CA5B: variants seen among roughly 807,000 people sequenced by gnomAD.
CA5B encodes carbonic anhydrase 5B, mitochondrial.
A neutral mutation model predicts 23.1 loss-of-function variants in CA5B; 15 were observed. The observed-to-expected ratio is 0.65, with a 90% CI of 0.43 to 1.00. The LOEUF (loss-of-function observed/expected upper bound fraction) is 1.00, where lower values mean the gene tolerates loss of function less well. Among genes scored for constraint, CA5B ranks in the 50% least tolerant of loss-of-function variants. CA5B has a pLI of 0.00. For synonymous variants in CA5B, 84 were observed against 98.5 expected, an observed-to-expected ratio of 0.85 and a Z score of 0.87; for missense variants, 236 against 252.2, an observed-to-expected ratio of 0.94 and a Z score of 0.43.
chrX:15,773,261 A>G (rs1324518268), intron 4 of CA5B, among the ~76,000 whole-genome samples: 1 of 110,723 alleles, frequency 9.0e-6, no homozygotes, highest in Non-Finnish European at 1.9e-5. Flanking sequence ...TATTTGTTTC[A>G]TTTTATTTTG....
Position 15,776,862 on chromosome X carries a change from A to G in CA5B, c.767A>G (p.His256Arg). ...IIKKQPVEVD[H>R]DQLEQFRTLL... ...AAGAAGCAACCAGTAGAGGTTGATCATGATCAGGTATGTTCTCTCCATAAT... is the reference window on the plus strand; with the variant it reads ...AAGAAGCAACCAGTAGAGGTTGATCGTGATCAGGTATGTTCTCTCCATAAT... Residue 256 changes from histidine (H) to arginine (R), a missense_variant, in exon 7 of 8, where the codon CAT becomes CGT. His to Arg is a conservative substitution (Grantham distance 29, BLOSUM62 0). Around this residue, in one of 3 missense-constraint regions of CA5B, gnomAD observed 170 missense variants for 162.0 expected, o/e 1.05. Coordinates refer to ENST00000318636, the MANE Select transcript of CA5B (RefSeq NM_007220.4). The G allele has an allele frequency of 8.3e-7, 1 of 1,203,624 alleles. No homozygotes were observed.
chrX:15,745,930 G>A (rs772893229), intron 1 of CA5B, among the ~76,000 whole-genome samples: 7 of 109,243 alleles, frequency 6.4e-5, no homozygotes, highest in Non-Finnish European at 1.1e-4. Flanking sequence ...ATCAATTTGA[G>A]TAATAATAAC....
intron 2 of CA5B, among the ~76,000 whole-genome samples, chrX:15,752,608 C>T (rs979686004): frequency 9.0e-6 from 1 of 110,627 alleles, no homozygotes; most frequent in African/African-American, 3.3e-5. Flanking sequence ...GCCTGCAGTC[C>T]CAGCTACTAA....
At chrX:15,754,189 A>AG (rs1200233484) in intron 2 of CA5B, among the ~76,000 whole-genome samples, 1 of 111,707 alleles carries the variant, frequency 9.0e-6, no homozygotes, top group East Asian at 2.8e-4. Flanking sequence ...TGGCCAGGGT[A>AG]GGGGGGATCC....
intron 1 of CA5B, among the ~76,000 whole-genome samples, chrX:15,740,798 G>C (rs1467635586): frequency 8.9e-6 from 1 of 112,696 alleles, no homozygotes; most frequent in Admixed American, 9.3e-5. Flanking sequence ...GCTCACGCCT[G>C]TACGCCTGTA....
At chrX:15,741,312 C>T (rs1601775026) in intron 1 of CA5B, among the ~76,000 whole-genome samples, 1 of 105,204 alleles carries the variant, frequency 9.5e-6, no homozygotes, top group Non-Finnish European at 2.0e-5. Context: ...AAGTGATCCA[C>T]CCTCCTCGGC....
chrX:15,773,076 T>A (rs372365213), intron 4 of CA5B, among the ~76,000 whole-genome samples: 3 of 111,302 alleles, frequency 2.7e-5, no homozygotes, highest in African/African-American at 9.8e-5. Context: ...CTTTGTGGTG[T>A]CTCACTTGGG....
rs965063284 is a variant in CA5B, at chrX:15,759,613, G to A, written c.143-4965G>A. 2.7e-5 allele frequency among the ~76,000 whole-genome samples: 3 copies of A among 110,686 alleles called. No homozygotes were observed. The Admixed American group carries it at 2.9e-4, about 11-fold the overall frequency. On this transcript the variant is annotated intron_variant, in intron 2 of 7. Coordinates refer to ENST00000318636, the MANE Select transcript of CA5B (RefSeq NM_007220.4). ...AGCAGGCTGAATGGACTAAGACAGT[G>A]CTAAAGCACAAAATAAACCAAACCT...
At chrX:15,757,359 T>C (rs893282630) in intron 2 of CA5B, among the ~76,000 whole-genome samples, 5 of 111,183 alleles carry the variant, frequency 4.5e-5, no homozygotes, top group African/African-American at 1.6e-4. Flanking sequence ...TACTAAAAAA[T>C]AGAAAAATTA....
chrX:15,775,247 T>C lies in CA5B; in HGVS notation c.557T>C (p.Leu186Pro), dbSNP rs1469743442. 8.4e-7 allele frequency: 1 copy of C among 1,187,105 alleles called. No homozygotes were observed. The highest frequency in any genetic ancestry group is 1.8e-5 in the South Asian group (1 of 54,091). ...GLAVIGVFLKLGKHHKELQKL... is the reference protein window; with the variant it reads ...GLAVIGVFLKPGKHHKELQKL... Reference sequence around the variant, plus strand: ...ATTTTCTTACTTGTTGTTCTTTAGCTAGGCAAACATCATAAGGAGCTACAG... The same window carrying C: ...ATTTTCTTACTTGTTGTTCTTTAGCCAGGCAAACATCATAAGGAGCTACAG... Residue 186 changes from leucine to proline, a missense_variant and splice_region_variant, in exon 6 of 8, where the codon CTA (leucine) becomes CCA (proline). This residue lies in a region of CA5B where 170 missense variants were observed against 162.0 expected (regional missense o/e 1.05). Transcript: ENST00000318636.
chrX:15,758,630 T>A (rs1021290623), intron 2 of CA5B, among the ~76,000 whole-genome samples: 7 of 111,376 alleles, frequency 6.3e-5, no homozygotes, highest in African/African-American at 2.3e-4. Context: ...CCTCAGCCTC[T>A]CAAGTAGCTG....
chrX:15,774,712 T>TA (rs1472397503), intron 5 of CA5B, among the ~76,000 whole-genome samples: 14 of 111,307 alleles, frequency 1.3e-4, no homozygotes, highest in African/African-American at 4.6e-4. Context: ...TGCGCACCTG[T>TA]AATCCTAGCT....
At chrX:15,775,946 T>G in intron 6 of CA5B, 1 of 750,593 alleles carries the variant, frequency 1.3e-6, no homozygotes, top group Non-Finnish European at 1.6e-6. Context: ...CATCTCCATT[T>G]TCCTGTTTTT....
In CA5B at chrX:15,785,215, C is replaced by T. The variant is rs1932092042; in HGVS notation, c.*2551C>T. ...GGGATCTCAAAGAGATATTTGTACACCCATGTTCATAGCAGCATTATTCAC... is the reference window on the plus strand; with the variant it reads ...GGGATCTCAAAGAGATATTTGTACATCCATGTTCATAGCAGCATTATTCAC... On this transcript the variant is annotated 3_prime_UTR_variant, in exon 8 of 8. Coordinates refer to ENST00000318636, the MANE Select transcript of CA5B (RefSeq NM_007220.4). 1 of 112,030 alleles carries T rather than the reference C, an allele frequency of 8.9e-6. No individual in the cohort carries two copies. The highest frequency in any genetic ancestry group is 1.9e-5 in the Non-Finnish European group (1 of 53,204). The allele number at this position is 112,030 out of a possible 1,213,427, so 9.2% of individuals were successfully genotyped here. A position where few individuals can be genotyped will look rare whatever the true frequency, so the allele number is the denominator to read the frequency against.
intron 6 of CA5B, chrX:15,775,730 T>C (rs761663100): frequency 2.8e-5 from 21 of 752,514 alleles, no homozygotes; most frequent in Middle Eastern, 7.5e-4. Context: ...CTTTGTCCAG[T>C]CCCCCAATAT....
chrX:15,744,310 A>G (rs1931181163), intron 1 of CA5B, among the ~76,000 whole-genome samples: 1 of 112,524 alleles, frequency 8.9e-6, no homozygotes, highest in Non-Finnish European at 1.9e-5. Flanking sequence ...ATGTCTCTGA[A>G]TGCCATGCTA....
intron 1 of CA5B, among the ~76,000 whole-genome samples, chrX:15,745,883 C>G (rs1466208601): frequency 8.1e-5 from 9 of 111,558 alleles, no homozygotes; most frequent in African/African-American, 2.9e-4. Flanking sequence ...ATTTTCATAG[C>G]TTTTTGCATT....
intron 2 of CA5B, among the ~76,000 whole-genome samples, chrX:15,763,449 A>G (rs1415379306): frequency 1.8e-5 from 2 of 112,537 alleles, no homozygotes; most frequent in African/African-American, 6.5e-5. Flanking sequence ...TCCATGCATT[A>G]TATTGTGATC....
chrX:15,762,673 G>T, intron 2 of CA5B: 1 of 293,826 alleles, frequency 3.4e-6, no homozygotes, highest in Non-Finnish European at 6.8e-6. Flanking sequence ...CCAAAGTGCT[G>T]GGATTACAGG....
Sources: allele counts gnomAD v4.1 joint callset (sites outside exome capture counted in the v4.1 genomes callset), GRCh38; gene constraint gnomAD v4.1.1; regional missense constraint gnomAD v4.1.1; transcripts MANE v1.5; gene names NCBI Gene and HGNC (gene_info 2026-07-23, HGNC 2026-07-21).